The following ABHD12 variants were observed in gnomAD, a reference collection of about 807,000 sequenced individuals.
ABHD12 encodes the protein abhydrolase domain containing 12, lysophospholipase.
In ABHD12, 43 loss-of-function variants were observed where a neutral mutation model predicts 58.3. That is an observed-to-expected ratio of 0.74 (90% CI 0.58 to 0.95). The LOEUF (loss-of-function observed/expected upper bound fraction) is 0.95, where lower values mean the gene tolerates loss of function less well. Among genes scored for constraint, ABHD12 ranks in the 40% least tolerant of loss-of-function variants. ABHD12 has a pLI of 0.00. For synonymous variants in ABHD12, 219 were observed against 211.2 expected (o/e 1.04, Z -0.32); for missense variants, 539 against 537.2 (o/e 1.00, Z -0.03).
intron 10 of ABHD12, among the ~76,000 whole-genome samples, chr20:25,304,856 C>G (rs1036978660): frequency 2.0e-5 from 3 of 151,950 alleles, no homozygotes; most frequent in Non-Finnish European, 2.9e-5. Flanking sequence ...GGTGAGCCAC[C>G]ACACCCAGTC....
At chr20:25,303,226 C>A in intron 11 of ABHD12, 1 of 1,219,466 alleles carries the variant, frequency 8.2e-7, no homozygotes, top group Non-Finnish European at 1.0e-6. Flanking sequence ...CCAGGTTGGC[C>A]TGGGCTCTGA....
Position 25,390,775 on chromosome 20 carries a change from C to T in ABHD12, c.-72G>A, listed in dbSNP as rs994264826. The stretch of plus-strand genomic sequence containing the variant: ...CCGCAGTGCCGCCGCTCACAGCCGC[C>T]GCCACCCAGAGCCCGGAGCCCGGAA... On this transcript the variant is annotated 5_prime_UTR_variant, in exon 1 of 13. Transcript: ENST00000339157. 27 of 1,062,114 alleles carry T rather than the reference C, an allele frequency of 2.5e-5. No individual in the cohort carries two copies. Among genetic ancestry groups the T allele is most frequent in the Non-Finnish European group, 3.2e-5 (27 of 842,846 alleles). 65.8% of individuals were successfully genotyped at this position (1,062,114 alleles called of 1,614,324 possible). A position where few individuals can be genotyped will look rare whatever the true frequency, so the allele number is the denominator to read the frequency against.
chr20:25,299,864 G>T (rs182704855), downstream of ABHD12, among the ~76,000 whole-genome samples: 9 of 152,300 alleles, frequency 5.9e-5, no homozygotes, highest in Non-Finnish European at 1.0e-4. Flanking sequence ...ACTGACCTCA[G>T]AAGTAATGTC....
At chr20:25,317,311 A>G (rs1467959461) in intron 4 of ABHD12, among the ~76,000 whole-genome samples, 12 of 152,146 alleles carry the variant, frequency 7.9e-5, no homozygotes, top group Admixed American at 7.9e-4. Context: ...TTCAGTAGGT[A>G]ATGCACACCT....
In ABHD12 at chr20:25,368,869, G is replaced by C. The variant is rs115091110; in HGVS notation, c.191+21644C>G. 1,459 of 441,490 alleles carry C rather than the reference G, an allele frequency of 3.3e-3. 18 individuals carry two copies. The highest frequency in any genetic ancestry group is 0.026 in the African/African-American group (1,275 of 48,978). The allele number at this position is 441,490 out of a possible 1,614,324, so 27.3% of individuals were successfully genotyped here. A position where few individuals can be genotyped will look rare whatever the true frequency, so the allele number is the denominator to read the frequency against. ...CAGACAGGCGCAGTGGCTCATGCCT[G>C]TAATTCCAGTGCTTTGGGAGGCTGC... On this transcript the variant is annotated intron_variant, in intron 1 of 12. Coordinates refer to ENST00000339157, the MANE Select transcript of ABHD12 (RefSeq NM_001042472.3).
At chr20:25,318,653 T>C (rs2089008154) in intron 4 of ABHD12, among the ~76,000 whole-genome samples, 1 of 138,592 alleles carries the variant, frequency 7.2e-6, no homozygotes, top group Non-Finnish European at 1.5e-5. Context: ...CCTAAAGTTA[T>C]AGGCAGGATC....
intron 1 of ABHD12, among the ~76,000 whole-genome samples, chr20:25,345,538 C>A (rs1469918879): frequency 6.6e-6 from 1 of 152,054 alleles, no homozygotes; most frequent in African/African-American, 2.4e-5. Flanking sequence ...AACATATTAA[C>A]AAAAGTATAT....
Position 25,317,090 on chromosome 20 carries a change from A to G in ABHD12, c.543-12T>C, listed in dbSNP as rs564624451. 5 of 1,609,450 alleles carry G rather than the reference A, an allele frequency of 3.1e-6. No individual in the cohort carries two copies. In the African/African-American group the frequency reaches 4.0e-5, roughly 13 times the overall value. On this transcript the variant is annotated splice_polypyrimidine_tract_variant and intron_variant, in intron 4 of 12. Transcript: ENST00000339157. ...GGTGGTCGCCTCCTCTGGAGAAGAAAACAGGACATGGTGTGAGCACATCTT... is the reference window on the plus strand; with the variant it reads ...GGTGGTCGCCTCCTCTGGAGAAGAAGACAGGACATGGTGTGAGCACATCTT...
In ABHD12 at chr20:25,390,541, C is replaced by G. The variant is rs766200569; in HGVS notation, c.163G>C (p.Asp55His). ...CCCAGCGCCCGCTTCATTCCCGCGT[C>G]GGCTGCGCAGCGCGGCTCAGCCGCC... Reference protein sequence around the residue: ...PAAAEPRCAADAGMKRALGRR... With the variant: ...PAAAEPRCAAHAGMKRALGRR... The change falls in exon 1 of 13, where the codon GAC (aspartate) becomes CAC (histidine). Residue 55 changes from aspartate to histidine, a missense_variant. Coordinates refer to ENST00000339157, the MANE Select transcript of ABHD12 (RefSeq NM_001042472.3). The G allele has an allele frequency of 4.8e-6, 7 of 1,452,066 alleles. No individual in the cohort carries two copies. The highest frequency in any genetic ancestry group is 6.3e-6 in the Non-Finnish European group (7 of 1,107,180). The allele number at this position is 1,452,066 out of a possible 1,614,324, so 89.9% of individuals were successfully genotyped here.
chr20:25,362,521 G>A (rs536502886), intron 1 of ABHD12, among the ~76,000 whole-genome samples: 4 of 143,534 alleles, frequency 2.8e-5, no homozygotes, highest in Non-Finnish European at 6.1e-5. Context: ...AGCTGAGATC[G>A]CGCCACTGCA....
chr20:25,370,453 C>T (rs143536747), intron 1 of ABHD12, among the ~76,000 whole-genome samples: 216 of 152,316 alleles, frequency 1.4e-3, no homozygotes, highest in Non-Finnish European at 2.7e-3. Flanking sequence ...CGCAGAGTCA[C>T]CAATGCTGTC....
chr20:25,312,992 C>A (rs1466226110), intron 6 of ABHD12, among the ~76,000 whole-genome samples: 1 of 149,002 alleles, frequency 6.7e-6, no homozygotes, highest in Non-Finnish European at 1.5e-5. Flanking sequence ...GGCCAGCCAC[C>A]CCGTCTGGGA....
At chr20:25,325,196 CCT>C (rs1274731243) in intron 2 of ABHD12, among the ~76,000 whole-genome samples, 12 of 120,836 alleles carry the variant, frequency 9.9e-5, no homozygotes, top group Non-Finnish European at 8.4e-5. Flanking sequence ...ACAGAGAGAC[CCT>C]GTTTCAAAAA....
At position 25,315,022 on chromosome 20, in the gene ABHD12, G is replaced by A. The variant is rs377717368; in HGVS notation, c.574-52C>T. 1,330 of 1,595,682 alleles carry A rather than the reference G, an allele frequency of 8.3e-4. 18 individuals carry two copies. The South Asian group carries it at 0.014, about 16-fold the overall frequency. On this transcript the variant is annotated intron_variant, in intron 5 of 12. Transcript: ENST00000339157. ...GGCAACAAATCCAAGCATCTGTATT[G>A]AGGGCAGCTTGCCGCTTACTAAACT... is the stretch of plus-strand genomic sequence containing the variant.
At chr20:25,388,557 AG>A (rs1317630402) in intron 1 of ABHD12, among the ~76,000 whole-genome samples, 1 of 152,240 alleles carries the variant, frequency 6.6e-6, no homozygotes, top group Non-Finnish European at 1.5e-5. Context: ...TGAGACAGCC[AG>A]CTGGGAAGGA....
intron 6 of ABHD12, among the ~76,000 whole-genome samples, chr20:25,312,853 C>T (rs1197460244): frequency 4.9e-4 from 74 of 149,780 alleles, no homozygotes; most frequent in Admixed American, 2.7e-4. Flanking sequence ...AGGTGAGGAG[C>T]GTCTCCGCCC....
In ABHD12 at chr20:25,314,923, A is replaced by C. The variant is rs774021710; in HGVS notation, c.619+2T>G. 2.5e-6 allele frequency: 4 copies of C among 1,614,078 alleles called. No homozygotes were observed. Among genetic ancestry groups the C allele is most frequent in the Non-Finnish European group, 3.4e-6 (4 of 1,179,982 alleles). ...CAGATGCTCTTGCAAAAGAAATCTC[A>C]CCTCTGTAGTCAAAGGTGACCACAT... On this transcript the variant is annotated splice_donor_variant, in intron 6 of 12. Transcript: ENST00000339157. LOFTEE classifies it high-confidence loss of function.
chr20:25,322,362 G>C lies in ABHD12; in HGVS notation c.422+963C>G, dbSNP rs988863641. On this transcript the variant is annotated intron_variant, in intron 3 of 12. Coordinates refer to ENST00000339157, the MANE Select transcript of ABHD12 (RefSeq NM_001042472.3). ...ATCTAGATGTTCACCTCTTGGAAAAGATATATATATATATATATATTTTTT... is the reference window on the plus strand; with the variant it reads ...ATCTAGATGTTCACCTCTTGGAAAACATATATATATATATATATATTTTTT... Among the ~76,000 whole-genome samples the C allele has an allele frequency of 9.1e-5, 6 of 66,098 alleles. No individual in the cohort carries two copies. The South Asian group carries it at 3.4e-3, about 37-fold the overall frequency. The allele number at this position is 66,098 out of a possible 152,430, so 43.4% of individuals were successfully genotyped here. A position where few individuals can be genotyped will look rare whatever the true frequency, so the allele number is the denominator to read the frequency against.
intron 2 of ABHD12, among the ~76,000 whole-genome samples, chr20:25,328,399 A>G (rs1042320902): frequency 2.6e-5 from 4 of 152,178 alleles, no homozygotes; most frequent in African/African-American, 7.2e-5. Flanking sequence ...CCTGGGGCCC[A>G]GTGCCCATCC....
Sources: gnomAD v4.1 joint callset for allele counts (sites outside exome capture counted in the v4.1 genomes callset) on GRCh38, gnomAD v4.1.1 for gene constraint, MANE v1.5 for transcripts, NCBI Gene and HGNC (gene_info 2026-07-23, HGNC 2026-07-21) for gene names.